EXOC4: variants seen among roughly 807,000 people sequenced by gnomAD.
EXOC4 encodes SEC8-like 1.
Under a neutral mutation model 107.2 loss-of-function variants are expected in EXOC4, and 71 were observed. That is an observed-to-expected ratio of 0.66 (90% CI 0.55 to 0.81). EXOC4 has a LOEUF of 0.81. Among genes scored for constraint, EXOC4 ranks in the 30% least tolerant of loss-of-function variants. EXOC4 has a pLI of 0.00. For synonymous variants in EXOC4, 456 were observed against 441.2 expected, an observed-to-expected ratio of 1.03 and a Z score of -0.42; for missense variants, 1,108 against 1,189.6, an observed-to-expected ratio of 0.93 and a Z score of 1.01.
chr7:133,492,650 C>G (rs1314571674), intron 9 of EXOC4, among the ~76,000 whole-genome samples: 2 of 151,832 alleles, frequency 1.3e-5, no homozygotes, highest in African/African-American at 4.8e-5. Flanking sequence ...ATACTACTTT[C>G]TTTTTTTTCT....
intron 14 of EXOC4, among the ~76,000 whole-genome samples, chr7:133,977,768 T>C (rs562304174): frequency 6.7e-6 from 1 of 149,674 alleles, no homozygotes; most frequent in Non-Finnish European, 1.5e-5. Flanking sequence ...GTGTGTGTGT[T>C]TGTTTGTTTT....
At chr7:134,097,547 T>C in the EXOC4 span, among the ~76,000 whole-genome samples, 1 of 152,168 alleles carries the variant, frequency 6.6e-6, no homozygotes, top group South Asian at 2.1e-4. Context: ...TCTCCTTGGT[T>C]CACGCTAATG....
At chr7:133,384,901 A>G (rs1485286266) in intron 7 of EXOC4, among the ~76,000 whole-genome samples, 1 of 151,868 alleles carries the variant, frequency 6.6e-6, no homozygotes, top group African/African-American at 2.4e-5. Context: ...GTGAGTCAGG[A>G]ATTCATGAAG....
At chr7:134,075,048 A>G in the EXOC4 span, among the ~76,000 whole-genome samples, 1 of 152,208 alleles carries the variant, frequency 6.6e-6, no homozygotes, top group African/African-American at 2.4e-5. Context: ...AAAACTCAGG[A>G]GTATGAGGAG....
chr7:133,889,032 A>G (rs929981011), intron 11 of EXOC4, among the ~76,000 whole-genome samples: 1 of 152,232 alleles, frequency 6.6e-6, no homozygotes, highest in Non-Finnish European at 1.5e-5. Context: ...GTATGTGAAA[A>G]CATTCTACAA....
At chr7:133,614,259 A>G in intron 9 of EXOC4, among the ~76,000 whole-genome samples, 1 of 152,180 alleles carries the variant, frequency 6.6e-6, no homozygotes, top group East Asian at 1.9e-4. Flanking sequence ...AGTGAGATTT[A>G]TGATTGGGAC....
intron 10 of EXOC4, among the ~76,000 whole-genome samples, chr7:133,792,381 C>T (rs904737705): frequency 2.0e-5 from 3 of 151,804 alleles, no homozygotes; most frequent in African/African-American, 4.8e-5. Flanking sequence ...AGTGAGACCT[C>T]GTCTCTACCA....
intron 9 of EXOC4, among the ~76,000 whole-genome samples, chr7:133,562,178 A>G (rs1305512257): frequency 6.6e-6 from 1 of 152,198 alleles, no homozygotes; most frequent in Non-Finnish European, 1.5e-5. Flanking sequence ...ATTTCTGCTT[A>G]TTTATTTGCT....
intron 9 of EXOC4, among the ~76,000 whole-genome samples, chr7:133,622,658 C>T (rs1366098537): frequency 6.6e-6 from 1 of 152,070 alleles, no homozygotes; most frequent in East Asian, 1.9e-4. Context: ...TCTTAAGCTT[C>T]ACCTACATTT....
At chr7:133,584,632 G>T (rs893683279) in intron 9 of EXOC4, among the ~76,000 whole-genome samples, 1 of 139,724 alleles carries the variant, frequency 7.2e-6, no homozygotes, top group African/African-American at 2.7e-5. Flanking sequence ...AGGCTGGAGT[G>T]CAGTGGTGTG....
At chr7:133,590,366 T>G (rs752395247) in intron 9 of EXOC4, among the ~76,000 whole-genome samples, 1 of 152,102 alleles carries the variant, frequency 6.6e-6, no homozygotes, top group Non-Finnish European at 1.5e-5. Context: ...CATAGCTCCT[T>G]TTGATATGGA....
At chr7:133,507,842 A>G (rs1290942998) in intron 9 of EXOC4, among the ~76,000 whole-genome samples, 2 of 152,194 alleles carry the variant, frequency 1.3e-5, no homozygotes, top group African/African-American at 4.8e-5. Context: ...CAGGTGGACC[A>G]CCTAAGGTCA....
chr7:134,013,402 T>G (rs752810833), intron 17 of EXOC4, among the ~76,000 whole-genome samples: 1 of 152,050 alleles, frequency 6.6e-6, no homozygotes, highest in Non-Finnish European at 1.5e-5. Context: ...ACAAGGAAAG[T>G]CTGAAAAACT....
intron 1 of EXOC4, among the ~76,000 whole-genome samples, chr7:133,254,524 G>T (rs1264170106): frequency 6.6e-6 from 1 of 152,110 alleles, no homozygotes; most frequent in Non-Finnish European, 1.5e-5. Flanking sequence ...ATCCTTTTTT[G>T]AACTTGTTTG....
At chr7:133,543,068 G>C (rs1800411578) in intron 9 of EXOC4, among the ~76,000 whole-genome samples, 1 of 152,054 alleles carries the variant, frequency 6.6e-6, no homozygotes, top group South Asian at 2.1e-4. Flanking sequence ...GAGCTTTTTA[G>C]ATTTGTCCTT....
At chr7:133,605,309 A>G (rs1563124161) in intron 9 of EXOC4, among the ~76,000 whole-genome samples, 1 of 152,146 alleles carries the variant, frequency 6.6e-6, no homozygotes, top group African/African-American at 2.4e-5. Flanking sequence ...AATTTATAAT[A>G]TAATATTTTA....
Position 133,288,926 on chromosome 7 carries a change from A to C in EXOC4, c.281A>C (p.Lys94Thr), listed in dbSNP as rs138076847. The C allele has an allele frequency of 6.2e-6, 10 of 1,614,104 alleles. No individual in the cohort carries two copies. The highest frequency in any genetic ancestry group is 1.3e-5 in the African/African-American group (1 of 75,064). Residue 94 changes from lysine to threonine, a missense_variant, in exon 3 of 18, where the codon AAA (lysine) becomes ACA (threonine). Physicochemically the swap from Lys to Thr is moderately conservative, Grantham distance 78 (BLOSUM62 -1). Transcript: ENST00000253861. ...TNSRNKIKQV[K>T]ENLLSCKMLL... ...ACCGAATCTGTTTTATTGTAGGTAAAAGAGAACCTGCTTTCATGCAAGATG... is the reference window on the plus strand; with the variant it reads ...ACCGAATCTGTTTTATTGTAGGTAACAGAGAACCTGCTTTCATGCAAGATG...
intron 11 of EXOC4, among the ~76,000 whole-genome samples, chr7:133,887,703 A>G (rs887513093): frequency 3.9e-5 from 6 of 152,188 alleles, no homozygotes; most frequent in Admixed American, 6.5e-5. Flanking sequence ...CTTTCTCCCA[A>G]TAATCAGAGG....
intron 10 of EXOC4, among the ~76,000 whole-genome samples, chr7:133,804,704 G>A (rs1268498398): frequency 2.0e-5 from 3 of 152,154 alleles, no homozygotes; most frequent in Admixed American, 6.5e-5. Context: ...TCATACCTGA[G>A]TAATGTTCAG....
Sources: gnomAD v4.1 joint callset for allele counts (sites outside exome capture counted in the v4.1 genomes callset) on GRCh38, gnomAD v4.1.1 for gene constraint, MANE v1.5 for transcripts, NCBI Gene and HGNC (gene_info 2026-07-23, HGNC 2026-07-21) for gene names.